RNF157: variants seen among roughly 807,000 people sequenced by gnomAD.
RNF157 encodes the protein ring finger protein 157, also known as E3 ubiquitin ligase RNF157.
RNF157 carries 55 observed loss-of-function variants against 88.3 expected under a neutral mutation model. The observed-to-expected ratio is 0.62, with a 90% CI of 0.50 to 0.78. The LOEUF is 0.78. Among genes scored for constraint, RNF157 ranks in the 30% least tolerant of loss-of-function variants. The pLI is 0.00. For synonymous variants in RNF157, 334 were observed against 341.2 expected, an observed-to-expected ratio of 0.98 and a Z score of 0.23; for missense variants, 788 against 860.8, an observed-to-expected ratio of 0.92 and a Z score of 1.06.
chr17:76,199,864 T>A (rs2069543244), intron 2 of RNF157, among the ~76,000 whole-genome samples: 1 of 152,170 alleles, frequency 6.6e-6, no homozygotes, highest in African/African-American at 2.4e-5. Context: ...ATAAGTTGAA[T>A]AAAGTGCTTT....
At chr17:76,237,887 T>C (rs1353662056) in intron 1 of RNF157, among the ~76,000 whole-genome samples, 2 of 151,880 alleles carry the variant, frequency 1.3e-5, no homozygotes, top group East Asian at 1.9e-4. Flanking sequence ...GTTCAAGACT[T>C]GCCTGGCCAA....
At chr17:76,234,575 A>G (rs1176160553) in intron 1 of RNF157, among the ~76,000 whole-genome samples, 2 of 152,160 alleles carry the variant, frequency 1.3e-5, no homozygotes, top group African/African-American at 2.4e-5. Flanking sequence ...GTGGGTGTGA[A>G]GTGGTATCTA....
rs60491535 is a variant in RNF157 at position 76,202,128 on chromosome 17, T to TCACA, written c.207+10232_207+10235dup. Among the ~76,000 whole-genome samples the TCACA allele has an allele frequency of 6.8e-3, 919 of 134,638 alleles. 7 individuals carry two copies. Among genetic ancestry groups the TCACA allele is most frequent in the Middle Eastern group, 0.019 (5 of 266 alleles). 88.3% of individuals were successfully genotyped at this position (134,638 alleles called of 152,430 possible). A position where few individuals can be genotyped will look rare whatever the true frequency, so the allele number is the denominator to read the frequency against. On this transcript the variant is annotated intron_variant, in intron 2 of 18. Coordinates refer to ENST00000269391, the MANE Select transcript of RNF157 (RefSeq NM_052916.3). ...ATCTCAGTTTCTCTCTCTCTCTCTC[T>TCACA]CACACACACACACACACACACACAC...
Position 76,146,246 on chromosome 17 carries a change from T to C in RNF157, c.1922-893A>G. ...TGTGACCTTGGGCACATCAGTTTACTGTGGGCCTTGGTTTTCTCACCCATC... is the reference window on the plus strand; with the variant it reads ...TGTGACCTTGGGCACATCAGTTTACCGTGGGCCTTGGTTTTCTCACCCATC... On this transcript the variant is annotated intron_variant, in intron 18 of 18. Coordinates refer to ENST00000269391, the MANE Select transcript of RNF157 (RefSeq NM_052916.3). The surrounding 1 kb of genome is among the most constrained non-coding windows in gnomAD (Gnocchi z 4.2). The C allele has an allele frequency of 1.6e-6, 1 of 632,088 alleles. No homozygotes were observed. Among genetic ancestry groups the C allele is most frequent in the Non-Finnish European group, 2.0e-6 (1 of 507,278 alleles). The allele number at this position is 632,088 out of a possible 1,614,324, so 39.2% of individuals were successfully genotyped here.
chr17:76,225,661 T>A, intron 1 of RNF157: 1 of 1,150,512 alleles, frequency 8.7e-7, no homozygotes, highest in Non-Finnish European at 1.2e-6. Context: ...ATAATATGTA[T>A]TTTTTTCCCT....
At position 76,158,499 on chromosome 17, in the gene RNF157, G is replaced by C. The variant is rs1463309748; in HGVS notation, c.1307C>G (p.Ser436Cys). 1 of 1,608,080 alleles carries C rather than the reference G, an allele frequency of 6.2e-7. No homozygotes were observed. The highest frequency in any genetic ancestry group is 1.3e-5 in the African/African-American group (1 of 74,812). Reference sequence around the variant, plus strand: ...CAGCACGGAAGAGTTTTGGGAAGTGGATCTGTAGGAGTCCAGTGGAAAAGC... The same window carrying C: ...CAGCACGGAAGAGTTTTGGGAAGTGCATCTGTAGGAGTCCAGTGGAAAAGC... ...GLKLKKSLSK[S>C]TSQNSSVLHE... Residue 436 changes from serine (S) to cysteine (C), a missense_variant and splice_region_variant, in exon 13 of 19, where the codon TCC (serine) becomes TGC (cysteine). Coordinates refer to ENST00000269391, the MANE Select transcript of RNF157 (RefSeq NM_052916.3).
chr17:76,166,605 G>C (rs536134326), intron 5 of RNF157, 78 bp from the exon 6 acceptor site: 2 of 1,172,674 alleles, frequency 1.7e-6, no homozygotes, highest in African/African-American at 1.5e-5. Context: ...CAGAAAGGGC[G>C]ATACTGTCAA....
At chr17:76,226,420 C>G (rs1439172843) in intron 1 of RNF157, 1 of 1,597,524 alleles carries the variant, frequency 6.3e-7, no homozygotes, top group Non-Finnish European at 8.6e-7. Context: ...CCTTATTAGT[C>G]TCCTGGACTA....
rs2068565262 is a variant in RNF157, at chr17:76,145,156, G to A, written c.*79C>T. ...TAAAAAGTCTCCAGCATCTTGCTGA[G>A]GATGCCCAGTAGGCAGCAGCTGAGT... On this transcript the variant is annotated 3_prime_UTR_variant, in exon 19 of 19. Transcript: ENST00000269391. 4 of 908,696 alleles carry A rather than the reference G, an allele frequency of 4.4e-6. No homozygotes were observed. Among genetic ancestry groups the A allele is most frequent in the Non-Finnish European group, 5.2e-6 (3 of 575,230 alleles). 56.3% of individuals were successfully genotyped at this position (908,696 alleles called of 1,614,324 possible).
At chr17:76,193,548 C>T (rs927398190) in intron 2 of RNF157, among the ~76,000 whole-genome samples, 3 of 151,952 alleles carry the variant, frequency 2.0e-5, no homozygotes, top group Non-Finnish European at 2.9e-5. Flanking sequence ...CCACCACCCC[C>T]CACCCACGGA....
Position 76,152,363 on chromosome 17 carries a change from C to A in RNF157, c.1913G>T (p.Cys638Phe). The change falls in exon 18 of 19, where the codon TGC (cysteine) becomes TTC (phenylalanine). Residue 638 changes from cysteine (C) to phenylalanine (F), a missense_variant. Coordinates refer to ENST00000269391, the MANE Select transcript of RNF157 (RefSeq NM_052916.3). ...ALDNKLCSEV[C>F]LPGAWQADDN... ...AGCAGACTGACACTCACCAGGTAAG[C>A]AGACCTCAGAGCACAGCTTATTGTC... The A allele has an allele frequency of 6.2e-7, 1 of 1,604,304 alleles. No homozygotes were observed. The highest frequency in any genetic ancestry group is 8.5e-7 in the Non-Finnish European group (1 of 1,171,086).
chr17:76,162,832 C>A, intron 8 of RNF157: 1 of 474,298 alleles, frequency 2.1e-6, no homozygotes, highest in South Asian at 3.1e-5. Context: ...TTAATTCACC[C>A]ATCATTATAT....
At chr17:76,228,325 G>A (rs956166675) in intron 1 of RNF157, among the ~76,000 whole-genome samples, 2 of 151,968 alleles carry the variant, frequency 1.3e-5, no homozygotes, top group African/African-American at 2.4e-5. Flanking sequence ...TCCTTGTGGT[G>A]CTCTCAGAAC....
At position 76,154,117 on chromosome 17, in the gene RNF157, G is replaced by A. The variant is rs1482608889; in HGVS notation, c.1810+166C>T. 7.6e-6 allele frequency: 5 copies of A among 661,450 alleles called. No homozygotes were observed. In the East Asian group the frequency reaches 1.3e-4, roughly 17 times the overall value. The allele number at this position is 661,450 out of a possible 1,614,324, so 41.0% of individuals were successfully genotyped here. Reference sequence around the variant, plus strand: ...TGAGGAGGTCATAGAGATCATCAATGCTCTGCTTGCTTTGATGTACCATTA... The same window carrying A: ...TGAGGAGGTCATAGAGATCATCAATACTCTGCTTGCTTTGATGTACCATTA... On this transcript the variant is annotated intron_variant, in intron 17 of 18. Transcript: ENST00000269391.
rs79843807 is a variant in RNF157 at position 76,178,964 on chromosome 17, G to A, written c.208-5174C>T. Among the ~76,000 whole-genome samples the A allele has an allele frequency of 1.8e-3, 277 of 152,200 alleles. 1 individual carries two copies. Among genetic ancestry groups the A allele is most frequent in the African/African-American group, 5.6e-3 (232 of 41,526 alleles). ...GAGATTTCCAAGGATTAAAGTGCTG[G>A]TTATTAAAAGATCTGAAGACACAAA... On this transcript the variant is annotated intron_variant, in intron 2 of 18. Transcript: ENST00000269391.
chr17:76,150,420 C>G (rs2068656715), intron 18 of RNF157, among the ~76,000 whole-genome samples: 1 of 152,192 alleles, frequency 6.6e-6, no homozygotes, highest in South Asian at 2.1e-4. Flanking sequence ...AGCAGGTTAG[C>G]TGGAGGGAGT....
At chr17:76,185,769 G>A (rs982862474) in intron 2 of RNF157, among the ~76,000 whole-genome samples, 34 of 151,966 alleles carry the variant, frequency 2.2e-4, no homozygotes, top group Middle Eastern at 3.4e-3. Context: ...GCGCCCGGCC[G>A]AGATTACTCC....
intron 13 of RNF157, 98 bp from the exon 14 acceptor site, chr17:76,156,419 G>C (rs1169017545): frequency 6.4e-7 from 1 of 1,554,598 alleles, no homozygotes; most frequent in Non-Finnish European, 8.7e-7. Flanking sequence ...GAGATGAGGA[G>C]GAAAGGCGAC....
chr17:76,179,768 G>C (rs934012981), intron 2 of RNF157, among the ~76,000 whole-genome samples: 3 of 152,152 alleles, frequency 2.0e-5, no homozygotes, highest in Admixed American at 1.3e-4. Context: ...AGTATGAAAG[G>C]AAAGAAAACT....
Sources: gnomAD v4.1 joint callset for allele counts (sites outside exome capture counted in the v4.1 genomes callset) on GRCh38, gnomAD v4.1.1 for gene constraint, Gnocchi (gnomAD v3.1) non-coding constraint, MANE v1.5 for transcripts, NCBI Gene and HGNC (gene_info 2026-07-23, HGNC 2026-07-21) for gene names.